DNASE1: variants seen among roughly 807,000 people sequenced by gnomAD.
DNASE1 encodes deoxyribonuclease 1.
A neutral mutation model predicts 33.9 loss-of-function variants in DNASE1; 40 were observed. That is an observed-to-expected ratio of 1.18 (90% CI 0.92 to 1.54). DNASE1 has a LOEUF of 1.54. DNASE1 is among the 40% of genes most tolerant of loss of function. The pLI is 0.00. For missense variants in DNASE1, 518 were observed against 372.6 expected (o/e 1.39, Z -3.21); for synonymous variants, 216 against 160.0 (o/e 1.35, Z -2.64).
At chr16:3,617,688 G>T (rs1260131307) in intron 1 of DNASE1, among the ~76,000 whole-genome samples, 1 of 152,146 alleles carries the variant, frequency 6.6e-6, no homozygotes, top group Non-Finnish European at 1.5e-5. Flanking sequence ...GCTCATGCCG[G>T]TAATCCCAGC....
chr16:3,620,064 C>T (rs1380391668), intron 1 of DNASE1, among the ~76,000 whole-genome samples: 7 of 151,468 alleles, frequency 4.6e-5, no homozygotes, highest in African/African-American at 1.2e-4. Flanking sequence ...TACGGGCATG[C>T]GCCATCACGC....
chr16:3,632,523 A>G (rs1263442369), intron 1 of DNASE1, among the ~76,000 whole-genome samples: 1 of 150,962 alleles, frequency 6.6e-6, no homozygotes, highest in Admixed American at 6.6e-5. Flanking sequence ...AAATTAGTAT[A>G]GCCACTGGGA....
chr16:3,637,123 C>CAAAAAAAA (rs55645773), intron 1 of DNASE1, among the ~76,000 whole-genome samples: 26 of 144,372 alleles, frequency 1.8e-4, no homozygotes, highest in East Asian at 4.0e-4. Flanking sequence ...GACTCCATCT[C>CAAAAAAAA]AAAAAAAAAA....
Position 3,656,992 on chromosome 16 carries a change from T to G in DNASE1, c.437-7T>G. On this transcript the variant is annotated splice_region_variant and splice_polypyrimidine_tract_variant and intron_variant, in intron 5 of 8. Transcript: ENST00000246949. ...GTGTGCCTCACACGACGTGGCTGTCTCCACAGAGGTCAGGGAGTTTGCCAT... is the reference window on the plus strand; with the variant it reads ...GTGTGCCTCACACGACGTGGCTGTCGCCACAGAGGTCAGGGAGTTTGCCAT... 1.2e-6 allele frequency: 2 copies of G among 1,613,188 alleles called. No homozygotes were observed. Among genetic ancestry groups the G allele is most frequent in the South Asian group, 1.1e-5 (1 of 90,962 alleles).
chr16:3,664,777 C>T, exon 10 of DNASE1: 1 of 301,012 alleles, frequency 3.3e-6, no homozygotes, highest in South Asian at 4.1e-5. Flanking sequence ...CAGCGTCTTC[C>T]CTCTGCCCTC....
At chr16:3,616,277 CCAA>C (rs2041100426) in intron 1 of DNASE1, among the ~76,000 whole-genome samples, 1 of 152,148 alleles carries the variant, frequency 6.6e-6, no homozygotes, top group Admixed American at 6.6e-5. Flanking sequence ...TATCAAAATC[CCAA>C]CAACGTTTTA....
At chr16:3,626,651 T>C (rs1454181061) in intron 1 of DNASE1, among the ~76,000 whole-genome samples, 2 of 152,208 alleles carry the variant, frequency 1.3e-5, no homozygotes, top group Non-Finnish European at 2.9e-5. Context: ...ATCCAGTTGG[T>C]TGATGATGGT....
chr16:3,663,035 G>A (rs567229292), downstream of DNASE1: 63 of 1,288,248 alleles, frequency 4.9e-5, no homozygotes, highest in South Asian at 5.0e-4. Flanking sequence ...TGGGGGCCAC[G>A]CAGCATGCTT....
At chr16:3,662,251 T>TC (rs909154228), downstream of DNASE1, 12 of 1,243,202 alleles carry the variant, frequency 9.7e-6, no homozygotes, top group African/African-American at 1.8e-4. Context: ...TCTCAAGGAC[T>TC]CCCCTGGACC....
intron 1 of DNASE1, among the ~76,000 whole-genome samples, chr16:3,637,874 C>G (rs1049027598): frequency 1.3e-5 from 2 of 152,158 alleles, no homozygotes; most frequent in Non-Finnish European, 2.9e-5. Flanking sequence ...AGCTCCAGTT[C>G]ACCCTGTTGA....
At chr16:3,619,364 T>G (rs951452219) in intron 1 of DNASE1, among the ~76,000 whole-genome samples, 1 of 148,096 alleles carries the variant, frequency 6.8e-6, no homozygotes, top group African/African-American at 2.5e-5. Flanking sequence ...TTTCTTTTAT[T>G]TTTTATTTTT....
At chr16:3,626,785 T>C (rs751167253) in intron 1 of DNASE1, among the ~76,000 whole-genome samples, 1 of 152,216 alleles carries the variant, frequency 6.6e-6, no homozygotes, top group Non-Finnish European at 1.5e-5. Context: ...TTTGAATCTC[T>C]TTTGTTAGAT....
chr16:3,612,215 C>A (rs936294240), intron 1 of DNASE1, among the ~76,000 whole-genome samples: 1 of 150,766 alleles, frequency 6.6e-6, no homozygotes, highest in African/African-American at 2.5e-5. Flanking sequence ...AGGGTTTGAG[C>A]TTCAACTTGG....
At chr16:3,620,167 C>T (rs941429164) in intron 1 of DNASE1, among the ~76,000 whole-genome samples, 20 of 151,328 alleles carry the variant, frequency 1.3e-4, no homozygotes, top group Non-Finnish European at 2.4e-4. Flanking sequence ...CCACCCGCAT[C>T]GGCTTCCCAA....
rs758521781 is a variant in DNASE1 at position 3,657,916 on chromosome 16, T to C, written c.812T>C (p.Ile271Thr). 4 of 1,613,964 alleles carry C rather than the reference T, an allele frequency of 2.5e-6. No homozygotes were observed. The highest frequency in any genetic ancestry group is 2.5e-6 in the Non-Finnish European group (3 of 1,180,014). The change falls in exon 9 of 9, where the codon ATC (isoleucine) becomes ACC (threonine). Residue 271 changes from isoleucine to threonine, a missense_variant. Ile to Thr is a moderately conservative substitution (Grantham distance 89, BLOSUM62 -1). Coordinates refer to ENST00000246949, the MANE Select transcript of DNASE1 (RefSeq NM_005223.4). ...CCCACTTGCCTGCAGGCCCAAGCCA[T>C]CAGTGACCACTATCCAGTGGAGGTG... ...YGLSDQLAQA[I>T]SDHYPVEVML...
intron 1 of DNASE1, among the ~76,000 whole-genome samples, chr16:3,644,595 G>A (rs1364152854): frequency 6.6e-6 from 1 of 151,972 alleles, no homozygotes; most frequent in Non-Finnish European, 1.5e-5. Context: ...ATTAGCCGGG[G>A]ATGGTGGCAC....
chr16:3,656,946 G>T, intron 5 of DNASE1, 53 bp from the exon 6 acceptor site: 4 of 1,594,918 alleles, frequency 2.5e-6, no homozygotes, highest in South Asian at 1.1e-5. Flanking sequence ...CTGACATGGT[G>T]ACTGAACCTG....
At chr16:3,651,182 A>G (rs988843003), upstream of DNASE1, 3 of 152,160 alleles carry the variant, frequency 2.0e-5, no homozygotes, top group Non-Finnish European at 4.4e-5. Flanking sequence ...CTTTGAGGCC[A>G]TTTGTTTCCA....
At chr16:3,628,620 C>A (rs1266378343) in intron 1 of DNASE1, among the ~76,000 whole-genome samples, 1 of 151,200 alleles carries the variant, frequency 6.6e-6, no homozygotes, top group South Asian at 2.1e-4. Flanking sequence ...TGCAGTGGCG[C>A]AATCTCGGCT....
Sources: allele counts gnomAD v4.1 joint callset (sites outside exome capture counted in the v4.1 genomes callset), GRCh38; gene constraint gnomAD v4.1.1; transcripts MANE v1.5; gene names NCBI Gene and HGNC (gene_info 2026-07-23, HGNC 2026-07-21).